Variants in MACROD1 observed in about 807,000 individuals in gnomAD.
MACROD1 encodes ADP-ribose glycohydrolase MACROD1.
MACROD1 carries 31 observed loss-of-function variants against 41.4 expected under a neutral mutation model. That is an observed-to-expected ratio of 0.75 (90% CI 0.56 to 1.01). The LOEUF is 1.01. Ranked by LOEUF, MACROD1 falls within the 50% of genes least tolerant of loss-of-function variation. MACROD1 has a pLI of 0.00. For missense variants in MACROD1, 473 were observed against 460.0 expected (o/e 1.03, Z -0.26); for synonymous variants, 252 against 203.4 (o/e 1.24, Z -2.03).
intron 3 of MACROD1, among the ~76,000 whole-genome samples, chr11:64,035,281 C>G (rs1017483151): frequency 6.6e-6 from 1 of 151,650 alleles, no homozygotes; most frequent in Admixed American, 6.6e-5. Context: ...CAGCACGCGG[C>G]GGATGAGAGG....
rs202054903 is a variant in MACROD1, at chr11:64,118,913, A to G, written c.517+32326T>C. ...CATCTTTCACTGCATTCTTTGAACAATCATGTAGTCGATTAAAAAAAAAAA... is the reference window on the plus strand; with the variant it reads ...CATCTTTCACTGCATTCTTTGAACAGTCATGTAGTCGATTAAAAAAAAAAA... On this transcript the variant is annotated intron_variant, in intron 3 of 10. Coordinates refer to ENST00000255681, the MANE Select transcript of MACROD1 (RefSeq NM_014067.4). 194 of 166,906 alleles carry G rather than the reference A, an allele frequency of 1.2e-3. 1 individual carries two copies. The South Asian group carries it at 0.026, about 22-fold the overall frequency. The allele number at this position is 166,906 out of a possible 1,614,324, so 10.3% of individuals were successfully genotyped here.
chr11:64,083,663 G>A (rs537897866), intron 3 of MACROD1, among the ~76,000 whole-genome samples: 5 of 152,356 alleles, frequency 3.3e-5, no homozygotes, highest in East Asian at 1.9e-4. Context: ...TGCCAACGCC[G>A]GGTCAGAGCT....
chr11:64,029,649 T>C (rs1943268285), intron 3 of MACROD1, among the ~76,000 whole-genome samples: 1 of 148,670 alleles, frequency 6.7e-6, no homozygotes, highest in Admixed American at 6.7e-5. Flanking sequence ...GCAGCTGGCC[T>C]CGCCCCCACC....
chr11:64,027,691 C>G (rs1429356140), intron 3 of MACROD1, among the ~76,000 whole-genome samples: 1 of 152,156 alleles, frequency 6.6e-6, no homozygotes, highest in African/African-American at 2.4e-5. Flanking sequence ...TAGCCTCCCC[C>G]TGGCCCCCAG....
At chr11:64,125,366 T>C (rs1333154012) in intron 3 of MACROD1, among the ~76,000 whole-genome samples, 1 of 152,082 alleles carries the variant, frequency 6.6e-6, no homozygotes, top group Non-Finnish European at 1.5e-5. Flanking sequence ...ATAGTCAGAG[T>C]CAGCACCTTG....
chr11:64,074,330 G>A (rs1944163125), intron 3 of MACROD1, among the ~76,000 whole-genome samples: 1 of 152,190 alleles, frequency 6.6e-6, no homozygotes, highest in African/African-American at 2.4e-5. Context: ...ATTCTGCAAG[G>A]TCCCGCTCTG....
At chr11:64,077,623 C>T (rs912872906) in intron 3 of MACROD1, among the ~76,000 whole-genome samples, 5 of 152,158 alleles carry the variant, frequency 3.3e-5, no homozygotes, top group Admixed American at 1.3e-4. Flanking sequence ...CACACACGAA[C>T]AGAACTCATA....
intron 3 of MACROD1, among the ~76,000 whole-genome samples, chr11:64,091,825 G>A (rs1169090768): frequency 2.6e-5 from 4 of 152,168 alleles, no homozygotes; most frequent in African/African-American, 7.2e-5. Flanking sequence ...TCCCCCAGGA[G>A]GCTGCTGAGG....
Position 64,151,632 on chromosome 11 carries a change from G to C in MACROD1, c.401-277C>G, listed in dbSNP as rs118087705. On this transcript the variant is annotated intron_variant, in intron 2 of 10. Coordinates refer to ENST00000255681, the MANE Select transcript of MACROD1 (RefSeq NM_014067.4). The stretch of plus-strand genomic sequence containing the variant: ...CCATTTCACAGAGGTAGAAACTGAG[G>C]ATTAGGTGGGTCAGAGACTTGCCTA... 2.3e-4 allele frequency among the ~76,000 whole-genome samples: 35 copies of C among 152,310 alleles called. No homozygotes were observed. The East Asian group carries it at 6.6e-3, about 29-fold the overall frequency.
At chr11:64,018,884 G>C (rs1480757241) in intron 3 of MACROD1, among the ~76,000 whole-genome samples, 1 of 152,198 alleles carries the variant, frequency 6.6e-6, no homozygotes, top group African/African-American at 2.4e-5. Flanking sequence ...TGAAGGCGTG[G>C]TGGCTTCAGG....
At chr11:64,060,350 C>G (rs1943876340) in intron 3 of MACROD1, 1 of 152,250 alleles carries the variant, frequency 6.6e-6, no homozygotes, top group East Asian at 1.9e-4. Flanking sequence ...GGGCAGGAGT[C>G]CAGCAGAACA....
chr11:64,105,610 C>CATGACCCCACAGGCATGA (rs980393870), intron 3 of MACROD1, among the ~76,000 whole-genome samples: 2 of 152,134 alleles, frequency 1.3e-5, no homozygotes, highest in Non-Finnish European at 2.9e-5. Flanking sequence ...TGCTAAGAGG[C>CATGACCCCACAGGCATGA]GTGACCCCAC....
At chr11:64,125,105 G>GC (rs1398497558) in intron 3 of MACROD1, among the ~76,000 whole-genome samples, 1 of 152,058 alleles carries the variant, frequency 6.6e-6, no homozygotes, top group Non-Finnish European at 1.5e-5. Context: ...GTCCCCTCCC[G>GC]CCCCTTGTCA....
intron 3 of MACROD1, among the ~76,000 whole-genome samples, chr11:64,039,493 G>A (rs1943445485): frequency 1.3e-5 from 2 of 151,940 alleles, no homozygotes; most frequent in Admixed American, 1.3e-4. Context: ...CCACGAGGCA[G>A]CTGCATTCTG....
intron 3 of MACROD1, among the ~76,000 whole-genome samples, chr11:64,053,821 G>C (rs1421890489): frequency 6.6e-6 from 1 of 152,172 alleles, no homozygotes; most frequent in Non-Finnish European, 1.5e-5. Flanking sequence ...CCTGCCCGCA[G>C]ATGGGGAGGG....
In MACROD1 at chr11:64,122,559, G is replaced by A. The variant is rs1352558038; in HGVS notation, c.517+28680C>T. ...CTCTGAGCCCAGCCCAGCCCTGTCC[G>A]AACAAAGCCAGGCAGAGAGCTGAGG... On this transcript the variant is annotated intron_variant, in intron 3 of 10. Transcript: ENST00000255681. The surrounding 1 kb of genome is among the most constrained non-coding windows in gnomAD (Gnocchi z 4.0). Among the ~76,000 whole-genome samples the A allele has an allele frequency of 1.3e-5, 2 of 152,354 alleles. No individual in the cohort carries two copies. The highest frequency in any genetic ancestry group is 1.9e-4 in the East Asian group (1 of 5,192).
chr11:64,008,401 G>GAGGCGGGAGGTCCCACGCACACTT (rs147518923), intron 4 of MACROD1, among the ~76,000 whole-genome samples: 1 of 148,478 alleles, frequency 6.7e-6, no homozygotes, highest in Non-Finnish European at 1.5e-5. Flanking sequence ...GGCCTGGGGA[G>GAGGCGGGAGGTCCCACGCACACTT]AGGCGCCCAG....
chr11:64,165,374 G>A (rs1590988575), intron 1 of MACROD1, among the ~76,000 whole-genome samples: 1 of 152,236 alleles, frequency 6.6e-6, no homozygotes, highest in Non-Finnish European at 1.5e-5. Context: ...CCTGCACAGG[G>A]AAGGAAGTTG....
At chr11:64,089,939 C>T (rs934840928) in intron 3 of MACROD1, among the ~76,000 whole-genome samples, 8 of 152,176 alleles carry the variant, frequency 5.3e-5, no homozygotes, top group African/African-American at 1.7e-4. Flanking sequence ...GTTTGCCCCC[C>T]ACGCCCTGTA....
Sources: allele counts gnomAD v4.1 joint callset (sites outside exome capture counted in the v4.1 genomes callset), GRCh38; gene constraint gnomAD v4.1.1; non-coding constraint Gnocchi (gnomAD v3.1); transcripts MANE v1.5; gene names NCBI Gene and HGNC (gene_info 2026-07-23, HGNC 2026-07-21).